TNNI3K: variants seen among roughly 807,000 people sequenced by gnomAD.
The protein encoded by TNNI3K is serine/threonine-protein kinase TNNI3K.
In TNNI3K, 140 loss-of-function variants were observed where a neutral mutation model predicts 114.5. The ratio of observed to expected loss-of-function variants is 1.22; its 90% CI spans 1.07 to 1.41. The LOEUF is 1.41. Among genes scored for constraint, TNNI3K ranks in the 40% most tolerant of loss-of-function variants. The pLI, the probability that TNNI3K is intolerant of heterozygous loss-of-function variation, is 0.00. For synonymous variants in TNNI3K, 347 were observed against 347.5 expected, an observed-to-expected ratio of 1.00 and a Z score of 0.02; for missense variants, 1,125 against 1,007.6, an observed-to-expected ratio of 1.12 and a Z score of -1.58.
intron 11 of TNNI3K, among the ~76,000 whole-genome samples, chr1:74,362,023 G>T (rs1661994999): frequency 6.6e-6 from 1 of 152,060 alleles, no homozygotes; most frequent in Admixed American, 6.6e-5. Context: ...CCCTCTCTGT[G>T]ATATAAAATT....
At chr1:74,242,967 G>T (rs573253104) in intron 2 of TNNI3K, among the ~76,000 whole-genome samples, 1 of 151,360 alleles carries the variant, frequency 6.6e-6, no homozygotes, top group Admixed American at 6.6e-5. Flanking sequence ...TTTCCATCCT[G>T]TACCTCCATG....
intron 17 of TNNI3K, 60 bp downstream of exon 17, chr1:74,370,452 AT>A: frequency 6.9e-7 from 1 of 1,455,910 alleles, no homozygotes; most frequent in Non-Finnish European, 9.5e-7. Flanking sequence ...TTTAAGACAG[AT>A]TTCAGTGAAG....
At chr1:74,433,377 C>A (rs672061) in intron 17 of TNNI3K, among the ~76,000 whole-genome samples, 4 of 152,164 alleles carry the variant, frequency 2.6e-5, no homozygotes, top group Admixed American at 1.3e-4. Context: ...TGCCTGCCCC[C>A]CTTCATGAAC....
chr1:74,294,699 G>T (rs1657876747), intron 5 of TNNI3K, among the ~76,000 whole-genome samples: 1 of 151,956 alleles, frequency 6.6e-6, no homozygotes, highest in Non-Finnish European at 1.5e-5. Context: ...TTGATCATAA[G>T]TGCTTCATTA....
chr1:74,241,432 C>T (rs1180840296), intron 2 of TNNI3K, among the ~76,000 whole-genome samples: 1 of 152,226 alleles, frequency 6.6e-6, no homozygotes, highest in East Asian at 1.9e-4. Flanking sequence ...CACATCCTCT[C>T]CAGCACCTGT....
intron 17 of TNNI3K, among the ~76,000 whole-genome samples, chr1:74,403,309 CA>C (rs1317771405): frequency 2.0e-5 from 3 of 152,032 alleles, no homozygotes; most frequent in Non-Finnish European, 2.9e-5. Flanking sequence ...CTGTTATTAT[CA>C]ATAGTAAAAA....
intron 7 of TNNI3K, among the ~76,000 whole-genome samples, chr1:74,338,082 G>A (rs1413572745): frequency 2.0e-5 from 3 of 151,924 alleles, no homozygotes; most frequent in African/African-American, 7.3e-5. Context: ...ATATATGAGA[G>A]AATTGATAAA....
intron 5 of TNNI3K, among the ~76,000 whole-genome samples, chr1:74,280,159 G>A (rs1467760534): frequency 6.6e-6 from 1 of 152,156 alleles, no homozygotes; most frequent in East Asian, 1.9e-4. Context: ...GAGATGGGCT[G>A]TTCACGAGGT....
chr1:74,410,603 C>T (rs1014455411), intron 17 of TNNI3K, among the ~76,000 whole-genome samples: 12 of 152,162 alleles, frequency 7.9e-5, no homozygotes, highest in South Asian at 6.2e-4. Flanking sequence ...TAATATTTCT[C>T]GAAGAGCTCA....
chr1:74,345,352 T>C (rs1032277616), intron 9 of TNNI3K, among the ~76,000 whole-genome samples: 3 of 152,116 alleles, frequency 2.0e-5, no homozygotes, highest in Non-Finnish European at 4.4e-5. Flanking sequence ...GGAGCCCTAT[T>C]GTAAGGTATC....
At chr1:74,442,440 A>AT (rs1271141379) in intron 20 of TNNI3K, among the ~76,000 whole-genome samples, 11 of 151,738 alleles carry the variant, frequency 7.2e-5, no homozygotes, top group Admixed American at 3.3e-4. Context: ...GGCCATCTAG[A>AT]TTTTTTTTGC....
intron 20 of TNNI3K, among the ~76,000 whole-genome samples, chr1:74,449,292 G>C (rs570488033): frequency 0.016 from 2,448 of 151,320 alleles, 63 homozygotes; most frequent in African/African-American, 0.056. Context: ...TTGTATTTCT[G>C]TGGGATCGGT....
chr1:74,520,227 A>G (rs1264471209), intron 23 of TNNI3K, among the ~76,000 whole-genome samples: 1 of 152,048 alleles, frequency 6.6e-6, no homozygotes, highest in Non-Finnish European at 1.5e-5. Flanking sequence ...TACCTTGATT[A>G]TAAATGATAA....
At chr1:74,456,142 C>G (rs557875832) in intron 20 of TNNI3K, among the ~76,000 whole-genome samples, 33 of 152,256 alleles carry the variant, frequency 2.2e-4, no homozygotes, top group African/African-American at 7.2e-4. Flanking sequence ...ATATCTATTA[C>G]GTTAACTGAA....
chr1:74,355,135 T>C (rs1661583332), intron 11 of TNNI3K, among the ~76,000 whole-genome samples: 2 of 152,242 alleles, frequency 1.3e-5, no homozygotes, highest in Non-Finnish European at 2.9e-5. Flanking sequence ...AAGTCACATT[T>C]TAATTGTTAT....
chr1:74,353,424 G>T lies in TNNI3K; in HGVS notation c.1027+64G>T. The T allele has an allele frequency of 1.9e-6, 3 of 1,576,260 alleles. No homozygotes were observed. In the South Asian group the frequency reaches 3.4e-5, roughly 18 times the overall value. Reference sequence around the variant, plus strand: ...TATCAATGATTAAGAATAATGGTATGCAAAGGGATGTGGGGGCATTGGGAG... The same window carrying T: ...TATCAATGATTAAGAATAATGGTATTCAAAGGGATGTGGGGGCATTGGGAG... On this transcript the variant is annotated intron_variant, in intron 10 of 24. Transcript: ENST00000326637.
intron 22 of TNNI3K, among the ~76,000 whole-genome samples, chr1:74,491,533 C>CTGTAAA (rs1669077443): frequency 6.6e-6 from 1 of 152,182 alleles, no homozygotes; most frequent in South Asian, 2.1e-4. Flanking sequence ...AGCCACCACA[C>CTGTAAA]CCAGCCAAGT....
intron 4 of TNNI3K, among the ~76,000 whole-genome samples, chr1:74,253,660 C>G (rs1655095714): frequency 6.6e-6 from 1 of 152,144 alleles, no homozygotes; most frequent in African/African-American, 2.4e-5. Context: ...AGCCCACGCC[C>G]ACGCCCACCC....
chr1:74,368,270 T>G (rs568596455), intron 13 of TNNI3K, among the ~76,000 whole-genome samples: 2 of 151,814 alleles, frequency 1.3e-5, no homozygotes, highest in Non-Finnish European at 2.9e-5. Flanking sequence ...TTAAGGAGAA[T>G]TGGGACTAGA....
Sources: allele counts gnomAD v4.1 joint callset (sites outside exome capture counted in the v4.1 genomes callset), GRCh38; gene constraint gnomAD v4.1.1; transcripts MANE v1.5; gene names NCBI Gene and HGNC (gene_info 2026-07-23, HGNC 2026-07-21).